Variants in EZH2 observed in about 807,000 individuals in gnomAD.
EZH2 encodes enhancer of zeste 2 polycomb repressive complex 2 subunit, also known as histone-lysine N-methyltransferase EZH2.
EZH2 carries 18 observed loss-of-function variants against 98.4 expected under a neutral mutation model. The observed-to-expected ratio is 0.18, with a 90% CI of 0.13 to 0.27. The LOEUF (loss-of-function observed/expected upper bound fraction) is 0.27. Ranked by LOEUF, EZH2 falls within the 10% of genes least tolerant of loss-of-function variation. The pLI is 1.00. For synonymous variants in EZH2, 338 were observed against 312.3 expected, an observed-to-expected ratio of 1.08 and a Z score of -0.87; for missense variants, 470 against 935.1, an observed-to-expected ratio of 0.50 and a Z score of 6.49.
chr7:148,878,259 C>T (rs1820448699), intron 1 of EZH2, among the ~76,000 whole-genome samples: 1 of 152,160 alleles, frequency 6.6e-6, no homozygotes, highest in Non-Finnish European at 1.5e-5. Context: ...ATTCATTAAA[C>T]TCCCCATTCA....
At position 148,831,048 on chromosome 7, in the gene EZH2, T is replaced by C. The variant is rs562869753; in HGVS notation, c.364-1200A>G. On this transcript the variant is annotated intron_variant, in intron 4 of 19. Coordinates refer to ENST00000320356, the MANE Select transcript of EZH2 (RefSeq NM_004456.5). ...AAGCTCTTTAAAGGGTGAGATGGCG[T>C]AGGCTCGGCCCAGCACTATGATCAT... 2.0e-3 allele frequency among the ~76,000 whole-genome samples: 302 copies of C among 152,254 alleles called. 1 individual carries two copies. Among genetic ancestry groups the C allele is most frequent in the Non-Finnish European group, 3.3e-3 (225 of 68,010 alleles).
Position 148,832,704 on chromosome 7 carries a change from A to G in EZH2, c.293T>C (p.Leu98Ser). The G allele has an allele frequency of 6.2e-7, 1 of 1,610,586 alleles. No individual in the cohort carries two copies. The highest frequency in any genetic ancestry group is 1.1e-5 in the South Asian group (1 of 90,636). Residue 98 changes from leucine to serine, a missense_variant, in exon 4 of 20, where the codon TTA becomes TCA. Leu to Ser is a moderately radical substitution (Grantham distance 145). This residue lies in a region of EZH2 where 79 missense variants were observed against 122.1 expected (regional missense o/e 0.65). Coordinates refer to ENST00000320356, the MANE Select transcript of EZH2 (RefSeq NM_004456.5). ...TGAAGCAACTGCATTCAGAGTCTTTAATGGGATGACTTGTGTTGGAAAATC... is the reference window on the plus strand; with the variant it reads ...TGAAGCAACTGCATTCAGAGTCTTTGATGGGATGACTTGTGTTGGAAAATC... ...DLDFPTQVIP[L>S]KTLNAVASVP...
Position 148,828,888 on chromosome 7 carries a change from G to A in EZH2, c.485-8C>T, listed in dbSNP as rs778120645. The A allele has an allele frequency of 9.0e-5, 143 of 1,596,814 alleles. No individual in the cohort carries two copies. The highest frequency in any genetic ancestry group is 1.6e-4 in the Middle Eastern group (1 of 6,062). On this transcript the variant is annotated splice_polypyrimidine_tract_variant and splice_region_variant and intron_variant, in intron 5 of 19. Transcript: ENST00000320356. ...CATTTATAAACCCACATTCTGAAAC[G>A]CATCAAATGTCAGAAACACACAGGA...
At chr7:148,815,175 A>T in intron 13 of EZH2, 136 bp from the exon 14 acceptor site, 3 of 1,162,366 alleles carry the variant, frequency 2.6e-6, no homozygotes, top group Non-Finnish European at 2.4e-6. Flanking sequence ...ATAACATTAC[A>T]CATATTCCGG....
At chr7:148,834,239 C>T (rs888377118) in intron 3 of EZH2, among the ~76,000 whole-genome samples, 2 of 151,916 alleles carry the variant, frequency 1.3e-5, no homozygotes, top group African/African-American at 4.8e-5. Flanking sequence ...GTAAGTCCTC[C>T]AGAGCCTTCT....
chr7:148,816,088 T>C (rs369176609), intron 12 of EZH2, among the ~76,000 whole-genome samples: 15 of 152,224 alleles, frequency 9.9e-5, no homozygotes, highest in African/African-American at 3.4e-4. Context: ...ACTGCACCCT[T>C]ACCTACCCAA....
In EZH2 at chr7:148,817,268, T is replaced by C. The variant is rs897492574; in HGVS notation, c.1364A>G (p.Asn455Ser). Residue 455 changes from asparagine (N) to serine (S), a missense_variant, in exon 11 of 20, where the codon AAT (asparagine) becomes AGT (serine). Transcript: ENST00000320356. Reference sequence around the variant, plus strand: ...AATTAACCTAGCAATGGCACAGAAATTGTCATAGTAAGTGCCAATGAGGAC... The same window carrying C: ...AATTAACCTAGCAATGGCACAGAAACTGTCATAGTAAGTGCCAATGAGGAC... The part of the protein sequence containing the change: ...FRVLIGTYYD[N>S]FCAIARLIGT... 13 of 1,613,840 alleles carry C rather than the reference T, an allele frequency of 8.1e-6. No individual in the cohort carries two copies. The African/African-American group carries it at 1.1e-4, about 13-fold the overall frequency.
chr7:148,821,417 T>C (rs1189753478), intron 8 of EZH2, among the ~76,000 whole-genome samples: 1 of 152,204 alleles, frequency 6.6e-6, no homozygotes, highest in African/African-American at 2.4e-5. Flanking sequence ...ATGGTATGGT[T>C]AGTTAGACTT....
At chr7:148,847,379 A>G in intron 1 of EZH2, 74 bp from the exon 2 acceptor site, 1 of 1,558,892 alleles carries the variant, frequency 6.4e-7, no homozygotes, top group Non-Finnish European at 8.7e-7. Context: ...TTTAATCCGC[A>G]GCAAACTAAC....
intron 8 of EZH2, 64 bp from the exon 9 acceptor site, chr7:148,819,751 A>G: frequency 7.0e-7 from 1 of 1,420,308 alleles, no homozygotes; most frequent in Non-Finnish European, 9.8e-7. Flanking sequence ...TCACTCTTCC[A>G]GTTCCACTGG....
At position 148,846,463 on chromosome 7, in the gene EZH2, A is replaced by T. The variant is rs756724388; in HGVS notation, c.246+7T>A. On this transcript the variant is annotated splice_region_variant and intron_variant, in intron 3 of 19. Coordinates refer to ENST00000320356, the MANE Select transcript of EZH2 (RefSeq NM_004456.5). ...GATAATTACTACAACATGTTATGTT[A>T]ACCAACCTCCCTAGTCCCGCGCAAT... 2.5e-6 allele frequency: 4 copies of T among 1,608,180 alleles called. 1 individual carries two copies. In the South Asian group the frequency reaches 4.5e-5, roughly 18 times the overall value.
intron 19 of EZH2, among the ~76,000 whole-genome samples, chr7:148,808,578 G>C (rs570437514): frequency 1.3e-5 from 2 of 152,226 alleles, no homozygotes; most frequent in Non-Finnish European, 2.9e-5. Context: ...CATCCCCACA[G>C]GGTGATCAGA....
intron 15 of EZH2, among the ~76,000 whole-genome samples, chr7:148,813,108 G>A (rs1803596253): frequency 6.6e-6 from 1 of 151,856 alleles, no homozygotes; most frequent in African/African-American, 2.4e-5. Context: ...AGGTTAATGG[G>A]AGCCTGGAGG....
At chr7:148,872,822 T>G (rs1166154337) in intron 1 of EZH2, among the ~76,000 whole-genome samples, 1 of 152,172 alleles carries the variant, frequency 6.6e-6, no homozygotes, top group East Asian at 1.9e-4. Context: ...AGTCATGACA[T>G]ACTGTCTTTT....
chr7:148,815,390 A>T, intron 13 of EZH2, 116 bp downstream of exon 13: 1 of 1,109,920 alleles, frequency 9.0e-7, no homozygotes, highest in Non-Finnish European at 1.4e-6. Flanking sequence ...GGTTTAACAT[A>T]CAGAAGGCAA....
At chr7:148,832,357 G>T (rs1381733053) in intron 4 of EZH2, among the ~76,000 whole-genome samples, 1 of 152,130 alleles carries the variant, frequency 6.6e-6, no homozygotes, top group Admixed American at 6.5e-5. Flanking sequence ...GGGATTACAG[G>T]CATGAGCCAC....
At chr7:148,852,810 C>T (rs1816091765) in intron 1 of EZH2, among the ~76,000 whole-genome samples, 1 of 151,976 alleles carries the variant, frequency 6.6e-6, no homozygotes, top group South Asian at 2.1e-4. Flanking sequence ...TCTTTTTTTT[C>T]TTAATACAGA....
intron 7 of EZH2, 127 bp from the exon 8 acceptor site, chr7:148,826,759 T>G: frequency 3.0e-6 from 2 of 662,030 alleles, no homozygotes; most frequent in Non-Finnish European, 4.5e-6. Context: ...GGAATGGCTC[T>G]ATTTAGATAA....
intron 5 of EZH2, 134 bp downstream of exon 5, chr7:148,829,594 G>C (rs1301510225): frequency 6.5e-6 from 6 of 927,024 alleles, no homozygotes; most frequent in Non-Finnish European, 9.3e-6. Context: ...CTGGGCCCAG[G>C]TTCAGTCCCT....
Sources: gnomAD v4.1 joint callset for allele counts (sites outside exome capture counted in the v4.1 genomes callset) on GRCh38, gnomAD v4.1.1 for gene constraint, gnomAD v4.1.1 regional missense constraint, MANE v1.5 for transcripts, NCBI Gene and HGNC (gene_info 2026-07-23, HGNC 2026-07-21) for gene names.